The following AKAP9 variants were observed in gnomAD, a reference collection of about 807,000 sequenced individuals.
AKAP9 encodes the protein A-kinase anchoring protein 9, also known as A-kinase anchor protein 9.
AKAP9 carries 311 observed loss-of-function variants against 488.5 expected under a neutral mutation model. The ratio of observed to expected loss-of-function variants is 0.64; its 90% CI spans 0.58 to 0.70. AKAP9 has a LOEUF of 0.70. Ranked by LOEUF, AKAP9 falls within the 30% of genes least tolerant of loss-of-function variation. The probability of loss-of-function intolerance (pLI) is 0.00; values close to 1 mark genes in which losing one functional copy is unlikely to be tolerated. For missense variants in AKAP9, 4,215 were observed against 4,374.5 expected (o/e 0.96, Z 1.03); for synonymous variants, 1,462 against 1,483.5 (o/e 0.99, Z 0.33).
chr7:92,064,372 T>C (rs1810416183), intron 24 of AKAP9, among the ~76,000 whole-genome samples: 1 of 152,110 alleles, frequency 6.6e-6, no homozygotes, highest in East Asian at 1.9e-4. Flanking sequence ...GATTGTTTTA[T>C]TTTTACTATA....
At chr7:91,942,625 G>T (rs932831940) in intron 1 of AKAP9, among the ~76,000 whole-genome samples, 5 of 152,130 alleles carry the variant, frequency 3.3e-5, no homozygotes, top group African/African-American at 1.2e-4. Context: ...CCTGCCCCCA[G>T]AAATGTCTTT....
intron 15 of AKAP9, 32 bp downstream of exon 15, chr7:92,030,023 G>A (rs747600221): frequency 1.5e-6 from 2 of 1,379,234 alleles, no homozygotes; most frequent in Admixed American, 1.7e-5. Flanking sequence ...TCTTTTAACT[G>A]TTATATACAC....
chr7:92,070,020 T>G lies in AKAP9; in HGVS notation c.6331-10T>G, dbSNP rs1811432185. 1 of 1,609,262 alleles carries G rather than the reference T, an allele frequency of 6.2e-7. No individual in the cohort carries two copies. Among genetic ancestry groups the G allele is most frequent in the Admixed American group, 1.7e-5 (1 of 58,924 alleles). ...TTTTTAAATTAAATTTTTTGCCTCT[T>G]ATATTTCAGGTTGAACAGTTAGCAA... On this transcript the variant is annotated splice_polypyrimidine_tract_variant and intron_variant, in intron 26 of 49. Coordinates refer to ENST00000356239, the MANE Select transcript of AKAP9 (RefSeq NM_005751.5).
chr7:92,018,395 AAC>A (rs56394853), intron 12 of AKAP9, among the ~76,000 whole-genome samples: 10,452 of 120,542 alleles, frequency 0.087, 377 homozygotes, highest in East Asian at 0.15. Context: ...CTAAAAATAT[AAC>A]ACACACACAC....
At position 92,040,781 on chromosome 7, in the gene AKAP9, ACAT is replaced by A. The variant is rs1427304650; in HGVS notation, c.4803_4805del (p.His1601del). On this transcript the variant is annotated inframe_deletion, in exon 18 of 50. Coordinates refer to ENST00000356239, the MANE Select transcript of AKAP9 (RefSeq NM_005751.5). Reference sequence around the variant, plus strand: ...AGGAACTTGTACGACAATACCAAGAACATCAACAGGCAACGGAATTGTTAAGGC... The same window carrying A: ...AGGAACTTGTACGACAATACCAAGAACAACAGGCAACGGAATTGTTAAGGC... The A allele has an allele frequency of 6.2e-7, 1 of 1,613,922 alleles. No homozygotes were observed. Among genetic ancestry groups the A allele is most frequent in the African/African-American group, 1.3e-5 (1 of 74,890 alleles).
At chr7:92,090,644 A>G (rs964332158) in intron 38 of AKAP9, 2 of 151,038 alleles carry the variant, frequency 1.3e-5, no homozygotes, top group African/African-American at 2.5e-5. Flanking sequence ...AAAAAAAAGA[A>G]TTTCCTGTAT....
intron 1 of AKAP9, among the ~76,000 whole-genome samples, chr7:91,943,435 T>G (rs2961019): frequency 0.69 from 105,350 of 152,018 alleles, 37,132 homozygotes; most frequent in East Asian, 0.91. Context: ...GGATTATAAT[T>G]TTATTCAGCA....
Position 92,040,708 on chromosome 7 carries a change from CTTCTAGACAACTAATG to C in AKAP9, c.4730_4745del (p.Ser1577Ter). On this transcript the variant is annotated frameshift_variant, in exon 18 of 50. Coordinates refer to ENST00000356239, the MANE Select transcript of AKAP9 (RefSeq NM_005751.5). LOFTEE classifies it high-confidence loss of function. ...GAGATTTCAGTGTCAAGCATGGATG[CTTCTAGACAACTAATG>C]TTGAATGAAGAACAGTTGGAAGATA... 1 of 1,605,088 alleles carries C rather than the reference CTTCTAGACAACTAATG, an allele frequency of 6.2e-7. No homozygotes were observed. The highest frequency in any genetic ancestry group is 8.5e-7 in the Non-Finnish European group (1 of 1,176,590).
chr7:91,940,934 G>C lies in AKAP9; in HGVS notation c.-166G>C. Reference sequence around the variant, plus strand: ...CTTCCCGTGCGGCTGAGGACGATCCGCCAGTGAGCGCGGAGACTGCTTCCA... The same window carrying C: ...CTTCCCGTGCGGCTGAGGACGATCCCCCAGTGAGCGCGGAGACTGCTTCCA... On this transcript the variant is annotated 5_prime_UTR_variant, in exon 1 of 50. Transcript: ENST00000356239. The C allele has an allele frequency of 1.3e-6, 1 of 748,214 alleles. No homozygotes were observed. The highest frequency in any genetic ancestry group is 1.6e-5 in the South Asian group (1 of 64,440). The allele number at this position is 748,214 out of a possible 1,614,324, so 46.3% of individuals were successfully genotyped here. A position where few individuals can be genotyped will look rare whatever the true frequency, so the allele number is the denominator to read the frequency against.
intron 39 of AKAP9, among the ~76,000 whole-genome samples, chr7:92,094,389 C>T (rs1816162088): frequency 2.6e-5 from 4 of 151,276 alleles, no homozygotes; most frequent in Admixed American, 1.3e-4. Context: ...AAAAATTAGC[C>T]GGGCATGCTG....
Position 92,096,784 on chromosome 7 carries a change from A to G in AKAP9, c.9825A>G (p.Gln3275=). The G allele has an allele frequency of 6.2e-7, 1 of 1,614,262 alleles. No homozygotes were observed. The highest frequency in any genetic ancestry group is 8.5e-7 in the Non-Finnish European group (1 of 1,180,038). ...AACAACTACTGAACGAATCCCAGCA[A>G]AAAATAGAATCACAGAGAATGCTAT... ...QQKQLLNESQ[Q]KIESQRMLYD... is the part of the protein sequence containing the mutation. Residue 3275 remains glutamine, a synonymous_variant, in exon 41 of 50, where the codon CAA becomes CAG. Transcript: ENST00000356239.
intron 28 of AKAP9, among the ~76,000 whole-genome samples, chr7:92,073,308 A>G (rs915836864): frequency 1.3e-5 from 2 of 151,424 alleles, no homozygotes; most frequent in Admixed American, 1.3e-4. Flanking sequence ...CATCCTGGCT[A>G]ACATGGTGAA....
intron 1 of AKAP9, among the ~76,000 whole-genome samples, chr7:91,949,794 A>G (rs369813116): frequency 7.2e-5 from 11 of 152,280 alleles, no homozygotes; most frequent in Admixed American, 2.0e-4. Context: ...GTTTAAATTT[A>G]TAGATTCTTT....
chr7:92,076,134 A>G (rs915173237), intron 28 of AKAP9, among the ~76,000 whole-genome samples: 2 of 152,204 alleles, frequency 1.3e-5, no homozygotes, highest in African/African-American at 4.8e-5. Context: ...GTCAAAACCA[A>G]TTTTCAAATA....
chr7:92,103,216 C>A (rs911491271), intron 46 of AKAP9, among the ~76,000 whole-genome samples: 3 of 151,304 alleles, frequency 2.0e-5, no homozygotes, highest in South Asian at 2.1e-4. Flanking sequence ...TGGTGAAACC[C>A]TATCTCTACT....
chr7:91,946,422 G>T (rs543253270), intron 1 of AKAP9, among the ~76,000 whole-genome samples: 1 of 147,190 alleles, frequency 6.8e-6, no homozygotes, highest in Non-Finnish European at 1.5e-5. Context: ...ACGAGATCTC[G>T]CTGTGTTGTC....
intron 15 of AKAP9, among the ~76,000 whole-genome samples, chr7:92,030,457 A>G (rs576411750): frequency 2.0e-5 from 3 of 152,258 alleles, no homozygotes; most frequent in Admixed American, 6.5e-5. Flanking sequence ...CCTGGCTAAC[A>G]TGGTGAAACC....
intron 23 of AKAP9, among the ~76,000 whole-genome samples, 175 bp downstream of exon 23, chr7:92,061,597 TATATATATATATATATATATATAA>T (rs1333345211): frequency 1.5e-5 from 2 of 137,464 alleles, no homozygotes; most frequent in African/African-American, 5.6e-5. Context: ...TATATATATA[TATATATATATATATATATATATAA>T]AATTATAAAA....
At chr7:92,033,442 C>CTTTTTTTTTTTTTTTTTTTTTTTT (rs35497475) in intron 16 of AKAP9, among the ~76,000 whole-genome samples, 1 of 107,374 alleles carries the variant, frequency 9.3e-6, no homozygotes, top group Non-Finnish European at 1.9e-5. Flanking sequence ...CTTTTCTTTT[C>CTTTTTTTTTTTTTTTTTTTTTTTT]TTTTTTTTTT....
Sources: gnomAD v4.1 joint callset for allele counts (sites outside exome capture counted in the v4.1 genomes callset) on GRCh38, gnomAD v4.1.1 for gene constraint, MANE v1.5 for transcripts, NCBI Gene and HGNC (gene_info 2026-07-23, HGNC 2026-07-21) for gene names.